HHLA2: variants seen among roughly 807,000 people sequenced by gnomAD.
HHLA2 encodes the protein HHLA2 member of B7 family.
In HHLA2, 48 loss-of-function variants were observed where a neutral mutation model predicts 45.9. That is an observed-to-expected ratio of 1.05 (90% confidence interval 0.83 to 1.33). HHLA2 has a LOEUF of 1.33. Ranked by LOEUF, HHLA2 falls within the 40% of genes most tolerant of loss-of-function variation. The probability of loss-of-function intolerance (pLI) is 0.00; values close to 1 mark genes in which losing one functional copy is unlikely to be tolerated. For synonymous variants in HHLA2, 161 were observed against 173.9 expected, an observed-to-expected ratio of 0.93 and a Z score of 0.59; for missense variants, 462 against 494.3, an observed-to-expected ratio of 0.93 and a Z score of 0.62.
intron 2 of HHLA2, among the ~76,000 whole-genome samples, chr3:108,313,775 A>G (rs2081059553): frequency 6.6e-6 from 1 of 152,194 alleles, no homozygotes; most frequent in Non-Finnish European, 1.5e-5. Context: ...GATATGGAGT[A>G]AGGTCTGACT....
chr3:108,303,756 G>A (rs1367258292), intron 1 of HHLA2, among the ~76,000 whole-genome samples: 2 of 151,904 alleles, frequency 1.3e-5, no homozygotes, highest in East Asian at 3.9e-4. Context: ...TTTTTATTTT[G>A]CCCAGTTAGT....
In HHLA2 at chr3:108,338,377, A is replaced by T. The variant is rs944431368; in HGVS notation, c.-27+10030A>T. 1.3e-5 allele frequency among the ~76,000 whole-genome samples: 2 copies of T among 152,126 alleles called. 1 individual carries two copies. Among genetic ancestry groups the T allele is most frequent in the East Asian group, 3.9e-4 (2 of 5,188 alleles). ...GCTTAAGCAGAGGGATTTTATTAGC[A>T]TTACATAGAATAGCAGGTTACTGGG... On this transcript the variant is annotated intron_variant, in intron 3 of 10. Coordinates refer to ENST00000619531, the Ensembl canonical transcript of HHLA2.
chr3:108,326,989 A>AC (rs1337312802), intron 2 of HHLA2, among the ~76,000 whole-genome samples: 2 of 151,702 alleles, frequency 1.3e-5, no homozygotes. Flanking sequence ...GTAGTATTTC[A>AC]CTTAGTGCAG....
intron 7 of HHLA2, among the ~76,000 whole-genome samples, chr3:108,361,917 T>A (rs919896431): frequency 6.6e-6 from 1 of 152,210 alleles, no homozygotes; most frequent in Non-Finnish European, 1.5e-5. Flanking sequence ...GAGGCTAATT[T>A]ATGGACATAA....
chr3:108,297,404 G>A (rs1256220232), intron 1 of HHLA2, among the ~76,000 whole-genome samples: 1 of 152,158 alleles, frequency 6.6e-6, no homozygotes, highest in Non-Finnish European at 1.5e-5. Flanking sequence ...ATAAAGTGTA[G>A]TGGTCAAGAT....
chr3:108,354,980 C>A, intron 5 of HHLA2, 135 bp from the exon 5 acceptor site: 1 of 845,426 alleles, frequency 1.2e-6, no homozygotes, highest in Non-Finnish European at 1.8e-6. Context: ...TTTGTTTTCC[C>A]TTTCAGTAAC....
exon 11 of HHLA2, chr3:108,377,414 A>C: frequency 1.6e-6 from 1 of 617,712 alleles, no homozygotes; most frequent in Non-Finnish European, 2.9e-6. Flanking sequence ...AGTTGTAACC[A>C]TTTTCTGGTA....
chr3:108,306,657 A>G (rs192053070), intron 1 of HHLA2, among the ~76,000 whole-genome samples: 146 of 152,236 alleles, frequency 9.6e-4, no homozygotes, highest in African/African-American at 3.1e-3. Context: ...TGCTGATACT[A>G]TTATCTTTTC....
chr3:108,357,782 C>A, intron 6 of HHLA2, 62 bp from the exon 6 acceptor site: 1 of 1,363,350 alleles, frequency 7.3e-7, no homozygotes, highest in Non-Finnish European at 1.0e-6. Context: ...CTAAGTGTAA[C>A]TTAGAGAATT....
At chr3:108,344,590 A>C (rs984892871) in intron 3 of HHLA2, among the ~76,000 whole-genome samples, 6 of 152,250 alleles carry the variant, frequency 3.9e-5, no homozygotes, top group African/African-American at 1.4e-4. Context: ...GCTTTCCAGA[A>C]GCACTTGGTG....
intron 3 of HHLA2, among the ~76,000 whole-genome samples, chr3:108,338,988 A>G (rs1219741213): frequency 6.6e-6 from 1 of 152,224 alleles, no homozygotes; most frequent in Non-Finnish European, 1.5e-5. Flanking sequence ...GCTTGATCAT[A>G]TAATTTATCA....
chr3:108,317,635 C>T (rs1333923502), intron 2 of HHLA2, among the ~76,000 whole-genome samples: 1 of 148,814 alleles, frequency 6.7e-6, no homozygotes, highest in Non-Finnish European at 1.5e-5. Context: ...AGTGCAGTGG[C>T]ACGTTCTTGG....
chr3:108,337,104 A>T (rs555663052), intron 3 of HHLA2, among the ~76,000 whole-genome samples: 1 of 152,242 alleles, frequency 6.6e-6, no homozygotes, highest in South Asian at 2.1e-4. Context: ...CTGGTGTGTG[A>T]ACTGTTTATT....
At chr3:108,325,266 G>A (rs1425082314) in intron 2 of HHLA2, among the ~76,000 whole-genome samples, 1 of 152,108 alleles carries the variant, frequency 6.6e-6, no homozygotes, top group African/African-American at 2.4e-5. Flanking sequence ...CCCTTTGATG[G>A]AATGCTTTAA....
chr3:108,360,006 C>T (rs1323636514), intron 7 of HHLA2, among the ~76,000 whole-genome samples: 2 of 152,128 alleles, frequency 1.3e-5, no homozygotes, highest in Non-Finnish European at 2.9e-5. Flanking sequence ...TAAAGATTTG[C>T]TTTAGATGGA....
chr3:108,376,474 C>A lies in HHLA2; in HGVS notation c.1160-19C>A. ...TTTGCAAAGAAATTATTTTTAAGTTCTCTTTTTTTTTCCTGTAGAAAGATG... is the reference window on the plus strand; with the variant it reads ...TTTGCAAAGAAATTATTTTTAAGTTATCTTTTTTTTTCCTGTAGAAAGATG... On this transcript the variant is annotated intron_variant, in intron 9 of 10. Transcript: ENST00000619531. The A allele has an allele frequency of 1.3e-6, 2 of 1,590,752 alleles. No individual in the cohort carries two copies. The highest frequency in any genetic ancestry group is 1.2e-5 in the South Asian group (1 of 86,706).
chr3:108,339,449 A>T (rs551155993), intron 3 of HHLA2, among the ~76,000 whole-genome samples: 1 of 152,278 alleles, frequency 6.6e-6, no homozygotes, highest in African/African-American at 2.4e-5. Context: ...TGAGCAAATT[A>T]CTTAACCTCT....
intron 8 of HHLA2, among the ~76,000 whole-genome samples, chr3:108,373,577 C>A (rs2082218914): frequency 6.6e-6 from 1 of 152,178 alleles, no homozygotes; most frequent in Non-Finnish European, 1.5e-5. Flanking sequence ...ATCTAGAAAA[C>A]CTCATCGTCT....
At chr3:108,350,619 C>A (rs1217797746) in intron 3 of HHLA2, among the ~76,000 whole-genome samples, 2 of 152,174 alleles carry the variant, frequency 1.3e-5, no homozygotes, top group Non-Finnish European at 2.9e-5. Flanking sequence ...ACATACCTCA[C>A]AACAAATATA....
Sources: allele counts gnomAD v4.1 joint callset (sites outside exome capture counted in the v4.1 genomes callset), GRCh38; gene constraint gnomAD v4.1.1; transcripts MANE v1.5; gene names NCBI Gene and HGNC (gene_info 2026-07-23, HGNC 2026-07-21).